The following MAPK4 variants were observed in gnomAD, a reference collection of about 807,000 sequenced individuals.
The protein encoded by MAPK4 is Erk3-related.
In MAPK4, 22 loss-of-function variants were observed where a neutral mutation model predicts 47.7. The observed-to-expected ratio is 0.46, with a 90% CI of 0.33 to 0.66. The LOEUF is 0.66. Ranked by LOEUF, MAPK4 falls within the 30% of genes least tolerant of loss-of-function variation. The pLI, the probability that MAPK4 is intolerant of heterozygous loss-of-function variation, is 0.02. For synonymous variants in MAPK4, 390 were observed against 365.7 expected, an observed-to-expected ratio of 1.07 and a Z score of -0.76; for missense variants, 736 against 831.7, an observed-to-expected ratio of 0.88 and a Z score of 1.42.
intron 5 of MAPK4, among the ~76,000 whole-genome samples, chr18:50,726,470 A>T (rs1187951367): frequency 6.6e-6 from 1 of 152,218 alleles, no homozygotes; most frequent in Non-Finnish European, 1.5e-5. Context: ...AGTGAACACC[A>T]TGGTAGGAGC....
chr18:50,700,143 A>C (rs1016369130), intron 2 of MAPK4, among the ~76,000 whole-genome samples: 1 of 152,190 alleles, frequency 6.6e-6, no homozygotes, highest in African/African-American at 2.4e-5. Flanking sequence ...AAGCCTTCTA[A>C]TCACAGTCAT....
chr18:50,717,054 C>T (rs997835554), intron 3 of MAPK4, among the ~76,000 whole-genome samples: 57 of 152,298 alleles, frequency 3.7e-4, no homozygotes, highest in South Asian at 8.3e-4. Context: ...GTCATGGCCT[C>T]CCTCTCCACA....
intron 2 of MAPK4, among the ~76,000 whole-genome samples, chr18:50,685,712 T>C (rs1179119970): frequency 1.3e-5 from 2 of 152,224 alleles, no homozygotes; most frequent in East Asian, 3.8e-4. Flanking sequence ...CAGAATGACC[T>C]GCATCCTTCG....
chr18:50,608,002 CATTT>C (rs2042597177), intron 1 of MAPK4, among the ~76,000 whole-genome samples: 1 of 152,176 alleles, frequency 6.6e-6, no homozygotes, highest in Admixed American at 6.5e-5. Flanking sequence ...CTTAAAGTCT[CATTT>C]AATTAATTTT....
chr18:50,678,504 C>G lies in MAPK4; in HGVS notation c.546+14000C>G, dbSNP rs113364122. Among the ~76,000 whole-genome samples, 2,275 of 152,296 alleles carry G rather than the reference C, an allele frequency of 0.015. 51 individuals carry two copies. Among genetic ancestry groups the G allele is most frequent in the African/African-American group, 0.052 (2,142 of 41,568 alleles). ...CCATCACCCCTCCACCCTGTACAGA[C>G]TGGAGAGCGGGCCCTGTCTTCCCAG... On this transcript the variant is annotated intron_variant, in intron 2 of 5. Transcript: ENST00000400384. This position sits in a 1 kb window ranked among gnomAD's most constrained non-coding sequence, Gnocchi z 4.2.
chr18:50,566,759 C>T (rs1052575379), intron 1 of MAPK4, among the ~76,000 whole-genome samples: 3 of 152,108 alleles, frequency 2.0e-5, no homozygotes, highest in East Asian at 1.9e-4. Flanking sequence ...ATCATCTTTA[C>T]AGTAAATAAC....
intron 1 of MAPK4, among the ~76,000 whole-genome samples, chr18:50,620,059 G>T (rs1276040248): frequency 6.6e-6 from 1 of 152,204 alleles, no homozygotes; most frequent in Non-Finnish European, 1.5e-5. Context: ...TTCTGCTGAG[G>T]CCTGATCACT....
In MAPK4 at chr18:50,730,065, G is replaced by A. The variant is rs1021217744; in HGVS notation, c.*211G>A. Reference sequence around the variant, plus strand: ...GGGAGCGGGTTTGAACAGGACCCTGGCTTAGGGGTTGATCACTTTCCTAGC... The same window carrying A: ...GGGAGCGGGTTTGAACAGGACCCTGACTTAGGGGTTGATCACTTTCCTAGC... On this transcript the variant is annotated 3_prime_UTR_variant, in exon 6 of 6. Transcript: ENST00000400384. 4 of 461,932 alleles carry A rather than the reference G, an allele frequency of 8.7e-6. No homozygotes were observed. The highest frequency in any genetic ancestry group is 2.0e-5 in the African/African-American group (1 of 51,198). The allele number at this position is 461,932 out of a possible 1,614,324, so 28.6% of individuals were successfully genotyped here. A position where few individuals can be genotyped will look rare whatever the true frequency, so the allele number is the denominator to read the frequency against.
chr18:50,642,824 C>T (rs775261983), intron 1 of MAPK4, among the ~76,000 whole-genome samples: 5 of 152,168 alleles, frequency 3.3e-5, no homozygotes, highest in African/African-American at 4.8e-5. Flanking sequence ...AGGCTGGTCT[C>T]GAACTCCTGA....
intron 1 of MAPK4, among the ~76,000 whole-genome samples, chr18:50,623,376 C>T (rs1000701567): frequency 6.6e-6 from 1 of 151,202 alleles, no homozygotes; most frequent in African/African-American, 2.4e-5. Context: ...CATTTAGACT[C>T]ATCCCAAATC....
At position 50,563,643 on chromosome 18, in the gene MAPK4, CT is replaced by C. The variant is rs573740864; in HGVS notation, c.-871+3408del. Among the ~76,000 whole-genome samples the C allele has an allele frequency of 2.4e-3, 370 of 152,210 alleles. 1 individual carries two copies. Among genetic ancestry groups the C allele is most frequent in the African/African-American group, 7.6e-3 (316 of 41,530 alleles). On this transcript the variant is annotated intron_variant, in intron 1 of 5. Transcript: ENST00000400384. ...ATCTTCTTCAAGGCCAAGAATGTGA[CT>C]TTTTTTTCTCTCTGCATCCCTCCCT...
chr18:50,606,707 C>T (rs546628443), intron 1 of MAPK4, among the ~76,000 whole-genome samples: 2 of 152,320 alleles, frequency 1.3e-5, no homozygotes, highest in African/African-American at 2.4e-5. Flanking sequence ...GTCTCTTTTG[C>T]AACTACTCAA....
At chr18:50,630,006 T>G (rs2042814699) in intron 1 of MAPK4, 1 of 152,192 alleles carries the variant, frequency 6.6e-6, no homozygotes, top group African/African-American at 2.4e-5. Flanking sequence ...GAACATTAGC[T>G]TTAGACAGAC....
chr18:50,668,307 G>A (rs1907723983), intron 2 of MAPK4, among the ~76,000 whole-genome samples: 1 of 152,194 alleles, frequency 6.6e-6, no homozygotes, highest in Admixed American at 6.5e-5. Flanking sequence ...TGGTCCTCAT[G>A]CCTCCCATCT....
At chr18:50,711,824 G>GTTTTTTT (rs35984682) in intron 2 of MAPK4, among the ~76,000 whole-genome samples, 14 of 141,028 alleles carry the variant, frequency 9.9e-5, no homozygotes, top group African/African-American at 3.7e-4. Context: ...ATTCTTTAAA[G>GTTTTTTT]TTTTTTTTTT....
rs534560386 is a variant in MAPK4, at chr18:50,608,325, T to C, written c.-871+48082T>C. ...AGTAGATAAGATGTCAATTATAATT[T>C]ATAACTTCACTAGGCCATGTGATAG... is the stretch of plus-strand genomic sequence containing the variant. On this transcript the variant is annotated intron_variant, in intron 1 of 5. Coordinates refer to ENST00000400384, the MANE Select transcript of MAPK4 (RefSeq NM_002747.4). Among the ~76,000 whole-genome samples the C allele has an allele frequency of 2.6e-5, 4 of 152,352 alleles. No individual in the cohort carries two copies. The South Asian group carries it at 8.3e-4, about 32-fold the overall frequency.
chr18:50,568,458 C>T (rs977258605), intron 1 of MAPK4, among the ~76,000 whole-genome samples: 2 of 152,154 alleles, frequency 1.3e-5, no homozygotes, highest in Non-Finnish European at 2.9e-5. Context: ...GGTACTGTCA[C>T]GTCTCTCCAT....
At chr18:50,586,627 T>C (rs371068718) in intron 1 of MAPK4, among the ~76,000 whole-genome samples, 1 of 152,042 alleles carries the variant, frequency 6.6e-6, no homozygotes, top group African/African-American at 2.4e-5. Flanking sequence ...AATAAGATAA[T>C]CCATATAAAA....
At chr18:50,665,926 C>A (rs115473194) in intron 2 of MAPK4, among the ~76,000 whole-genome samples, 1 of 152,218 alleles carries the variant, frequency 6.6e-6, no homozygotes, top group South Asian at 2.1e-4. Flanking sequence ...ATTCCTTGAA[C>A]TGCTTCTTTT....
Sources: allele counts gnomAD v4.1 joint callset (sites outside exome capture counted in the v4.1 genomes callset), GRCh38; gene constraint gnomAD v4.1.1; non-coding constraint Gnocchi (gnomAD v3.1); transcripts MANE v1.5; gene names NCBI Gene and HGNC (gene_info 2026-07-23, HGNC 2026-07-21).